The following MTRF1 variants were observed in gnomAD, a reference collection of about 807,000 sequenced individuals.
MTRF1 encodes peptide chain release factor 1, mitochondrial.
In MTRF1, 51 loss-of-function variants were observed where a neutral mutation model predicts 62.9. That is an observed-to-expected ratio of 0.81 (90% CI 0.65 to 1.02). The LOEUF is 1.02. Ranked by LOEUF, MTRF1 falls within the 50% of genes least tolerant of loss-of-function variation. MTRF1 has a pLI of 0.00. For missense variants in MTRF1, 446 were observed against 530.0 expected (o/e 0.84, Z 1.56); for synonymous variants, 158 against 181.9 (o/e 0.87, Z 1.06).
the MTRF1 span, among the ~76,000 whole-genome samples, chr13:41,282,874 C>T: frequency 6.6e-6 from 1 of 152,224 alleles, no homozygotes; most frequent in Non-Finnish European, 1.5e-5. Context: ...GATTCCATTG[C>T]CCTCCTGCCT....
rs550350336 is a variant in MTRF1 at position 41,237,166 on chromosome 13, C to A, written c.870+3095G>T. ...CCTGGGAGGCAGAGGTTGCAGTAAG[C>A]CAAGATGGGGCCACTGCACTCTAGC... is the stretch of plus-strand genomic sequence containing the variant. On this transcript the variant is annotated intron_variant, in intron 6 of 9. Transcript: ENST00000379480. Among the ~76,000 whole-genome samples the A allele has an allele frequency of 4.5e-5, 6 of 133,644 alleles. No homozygotes were observed. The East Asian group carries it at 1.4e-3, about 30-fold the overall frequency. 87.7% of individuals were successfully genotyped at this position (133,644 alleles called of 152,430 possible).
the MTRF1 span, among the ~76,000 whole-genome samples, chr13:41,299,104 G>GGTGTGTGTGT: frequency 1.8e-4 from 27 of 149,702 alleles, no homozygotes; most frequent in African/African-American, 4.9e-4. Context: ...CTTCAACCTG[G>GGTGTGTGTGT]GTGTGTGTGT....
At chr13:41,224,992 A>C (rs960669997) in intron 8 of MTRF1, among the ~76,000 whole-genome samples, 3 of 152,260 alleles carry the variant, frequency 2.0e-5, no homozygotes, top group African/African-American at 7.2e-5. Flanking sequence ...CGGGCAGATC[A>C]CATGAGGCCA....
the MTRF1 span, among the ~76,000 whole-genome samples, chr13:41,301,170 T>C: frequency 6.6e-6 from 1 of 152,158 alleles, no homozygotes; most frequent in East Asian, 1.9e-4. Context: ...TAAAGTTCCC[T>C]AAGAAGGCAA....
rs750506773 is a variant in MTRF1, at chr13:41,252,999, T to C, written c.539A>G (p.Tyr180Cys). 1.9e-6 allele frequency: 3 copies of C among 1,608,834 alleles called. No homozygotes were observed. The highest frequency in any genetic ancestry group is 2.5e-6 in the Non-Finnish European group (3 of 1,178,198). The change falls in exon 4 of 10, where the codon TAT becomes TGT. Residue 180 changes from tyrosine (Y) to cysteine (C), a missense_variant. Physicochemically the swap from Tyr to Cys is radical, Grantham distance 194 (BLOSUM62 -2). Transcript: ENST00000379480. ...LFQSLVPKEK[Y>C]DKNDVILEVT... is the part of the protein sequence containing the mutation. ...CTCTAAAATAACATCATTTTTGTCA[T>C]ATTTCTCCTTTGGCACAAGGCTCTG... is the stretch of plus-strand genomic sequence containing the variant.
intron 5 of MTRF1, among the ~76,000 whole-genome samples, chr13:41,250,619 G>A (rs527573369): frequency 7.9e-5 from 12 of 151,758 alleles, no homozygotes; most frequent in Non-Finnish European, 1.6e-4. Flanking sequence ...TCAGCCTCCC[G>A]AGTAGCTGAG....
At chr13:41,254,861 T>A (rs2039510181) in intron 2 of MTRF1, among the ~76,000 whole-genome samples, 1 of 152,040 alleles carries the variant, frequency 6.6e-6, no homozygotes, top group African/African-American at 2.4e-5. Context: ...TTTTTTTTTT[T>A]AAAGGTAAAA....
chr13:41,246,344 T>A (rs1566129604), intron 5 of MTRF1, among the ~76,000 whole-genome samples: 1 of 152,106 alleles, frequency 6.6e-6, no homozygotes, highest in Non-Finnish European at 1.5e-5. Flanking sequence ...TGTTTTTGCA[T>A]GGGGATTCAG....
At chr13:41,273,580 G>A in the MTRF1 span, among the ~76,000 whole-genome samples, 4 of 152,236 alleles carry the variant, frequency 2.6e-5, no homozygotes, top group Admixed American at 1.3e-4. Context: ...TGAGCTGGGT[G>A]TAATCCCAGC....
the MTRF1 span, among the ~76,000 whole-genome samples, chr13:41,272,030 A>G: frequency 6.6e-6 from 1 of 152,200 alleles, no homozygotes; most frequent in Non-Finnish European, 1.5e-5. Flanking sequence ...CTAACTTTGT[A>G]GCTCTCATCT....
At chr13:41,311,821 G>A in the MTRF1 span, among the ~76,000 whole-genome samples, 2 of 152,178 alleles carry the variant, frequency 1.3e-5, no homozygotes, top group Non-Finnish European at 2.9e-5. Flanking sequence ...CACCCCCGCC[G>A]CGCTCTTTCC....
chr13:41,265,213 A>G (rs1412113857), upstream of MTRF1, among the ~76,000 whole-genome samples: 1 of 152,138 alleles, frequency 6.6e-6, no homozygotes, highest in East Asian at 1.9e-4. Flanking sequence ...ACCTGAGGTC[A>G]GGAGTTCGAA....
chr13:41,221,606 A>G (rs750026328), intron 9 of MTRF1, among the ~76,000 whole-genome samples: 2 of 152,164 alleles, frequency 1.3e-5, no homozygotes, highest in Non-Finnish European at 2.9e-5. Context: ...TGATTATTAG[A>G]GCTTACCAGT....
At chr13:41,222,207 G>A (rs1284081990) in intron 9 of MTRF1, among the ~76,000 whole-genome samples, 1 of 152,068 alleles carries the variant, frequency 6.6e-6, no homozygotes, top group South Asian at 2.1e-4. Context: ...AGTCCTTTAT[G>A]GGACCAGTTC....
chr13:41,276,414 C>T, the MTRF1 span, among the ~76,000 whole-genome samples: 36 of 152,160 alleles, frequency 2.4e-4, no homozygotes, highest in Middle Eastern at 3.4e-3. Context: ...TCAAGTGATC[C>T]GCCTGCCTTG....
At chr13:41,283,241 G>C in the MTRF1 span, among the ~76,000 whole-genome samples, 2 of 152,136 alleles carry the variant, frequency 1.3e-5, no homozygotes, top group Non-Finnish European at 1.5e-5. Context: ...TATTCCTCAG[G>C]TGGTTGATCC....
intron 7 of MTRF1, chr13:41,229,260 A>G: frequency 6.6e-6 from 1 of 152,234 alleles, no homozygotes; most frequent in East Asian, 1.9e-4. Flanking sequence ...TTTCGATACA[A>G]TGTGGAATGA....
chr13:41,271,130 T>G, the MTRF1 span, among the ~76,000 whole-genome samples: 24 of 151,926 alleles, frequency 1.6e-4, 1 homozygote, highest in Non-Finnish European at 3.4e-4. Context: ...AGATATGAGA[T>G]AAATACAAAT....
chr13:41,262,842 G>A (rs967803509), intron 1 of MTRF1, among the ~76,000 whole-genome samples: 1 of 152,188 alleles, frequency 6.6e-6, no homozygotes, highest in Non-Finnish European at 1.5e-5. Context: ...ACTGTCTCCA[G>A]TGATCCTACT....
Sources: gnomAD v4.1 joint callset for allele counts (sites outside exome capture counted in the v4.1 genomes callset) on GRCh38, gnomAD v4.1.1 for gene constraint, MANE v1.5 for transcripts, NCBI Gene and HGNC (gene_info 2026-07-23, HGNC 2026-07-21) for gene names.